BTD: variants seen among roughly 807,000 people sequenced by gnomAD.
BTD encodes biotinidase.
In BTD, 13 loss-of-function variants were observed where a neutral mutation model predicts 17.7. That is an observed-to-expected ratio of 0.74 (90% CI 0.48 to 1.17). The LOEUF (loss-of-function observed/expected upper bound fraction) is 1.17, where lower values mean the gene tolerates loss of function less well. Ranked by LOEUF, BTD falls within the 50% of genes most tolerant of loss-of-function variation. The probability of loss-of-function intolerance (pLI) is 0.00; values close to 1 mark genes in which losing one functional copy is unlikely to be tolerated. For missense variants in BTD, 674 were observed against 650.4 expected, an observed-to-expected ratio of 1.04 and a Z score of -0.39; for synonymous variants, 240 against 245.2, an observed-to-expected ratio of 0.98 and a Z score of 0.20.
At chr3:15,627,660 T>G (rs1349383282) in intron 1 of BTD, among the ~76,000 whole-genome samples, 2 of 152,232 alleles carry the variant, frequency 1.3e-5, no homozygotes, top group Non-Finnish European at 2.9e-5. Flanking sequence ...CTTTCATAAT[T>G]TCTACTATCA....
chr3:15,634,144 C>T (rs59770772), intron 1 of BTD, among the ~76,000 whole-genome samples: 6,538 of 152,124 alleles, frequency 0.043, 400 homozygotes, highest in African/African-American at 0.14. Context: ...AGTCTGTTGA[C>T]GAAAAGAGCT....
chr3:15,644,115 C>T (rs1575028564), intron 3 of BTD, among the ~76,000 whole-genome samples: 1 of 152,126 alleles, frequency 6.6e-6, no homozygotes, highest in East Asian at 1.9e-4. Flanking sequence ...ATTCTCCTGC[C>T]TCAGCCTCCC....
chr3:15,645,175 T>TG lies in BTD; in HGVS notation c.1264dup (p.Val422GlyfsTer3). ...ACCTTATCCAAAGAGCTGTATGCCC[T>TG]GGGGGTCTTTGATGGGCTTCACACA... On this transcript the variant is annotated frameshift_variant, in exon 4 of 4. Transcript: ENST00000643237. LOFTEE classifies it high-confidence loss of function. 2 of 1,614,170 alleles carry TG rather than the reference T, an allele frequency of 1.2e-6. No individual in the cohort carries two copies. Among genetic ancestry groups the TG allele is most frequent in the Non-Finnish European group, 1.7e-6 (2 of 1,180,010 alleles).
rs751942955 is a variant in BTD at position 15,645,120 on chromosome 3, C to G, written c.1204C>G (p.Leu402Val). 1.2e-6 allele frequency: 2 copies of G among 1,614,054 alleles called. No homozygotes were observed. The highest frequency in any genetic ancestry group is 1.3e-5 in the African/African-American group (1 of 74,926). Reference protein sequence around the residue: ...EGYLHVCSNGLCCYLLYERPT... With the variant: ...EGYLHVCSNGVCCYLLYERPT... Reference sequence around the variant, plus strand: ...CTATCTCCACGTCTGTTCCAATGGCCTCTGCTGTTATTTACTTTACGAGAG... The same window carrying G: ...CTATCTCCACGTCTGTTCCAATGGCGTCTGCTGTTATTTACTTTACGAGAG... The change falls in exon 4 of 4, where the codon CTC becomes GTC. Residue 402 changes from leucine to valine, a missense_variant. Coordinates refer to ENST00000643237, the MANE Select transcript of BTD (RefSeq NM_001370658.1).
intron 4 of BTD, chr3:15,720,970 T>C: frequency 6.2e-7 from 1 of 1,613,900 alleles, no homozygotes; most frequent in Non-Finnish European, 8.5e-7. Context: ...CAATGCTCCA[T>C]GTGTTGATGC....
rs1033946259 is a variant in BTD at position 15,631,755 on chromosome 3, G to A, written c.-16-3669G>A. On this transcript the variant is annotated intron_variant, in intron 1 of 3. Transcript: ENST00000643237. ...CCTGCCAAGTGTTTCCTGTCTCCCA[G>A]ATGCTTTCTATTGGCTTATTGTAAG... is the stretch of plus-strand genomic sequence containing the variant. Among the ~76,000 whole-genome samples the A allele has an allele frequency of 5.3e-5, 8 of 152,296 alleles. 2 individuals carry two copies. The highest frequency in any genetic ancestry group is 5.2e-4 in the Admixed American group (8 of 15,304).
chr3:15,625,858 T>G (rs555579848), intron 1 of BTD, among the ~76,000 whole-genome samples: 153 of 152,276 alleles, frequency 1.0e-3, no homozygotes, highest in African/African-American at 3.5e-3. Context: ...CCTGGCCCAG[T>G]TTTAATTTTT....
chr3:15,666,404 T>TCC (rs1553567291), intron 3 of BTD, among the ~76,000 whole-genome samples: 1,284 of 51,702 alleles, frequency 0.025, 10 homozygotes, highest in East Asian at 0.12. Context: ...CTACTTCATC[T>TCC]CCCCCTTTCC....
chr3:15,687,817 T>G (rs74931146), intron 3 of BTD, among the ~76,000 whole-genome samples: 4,303 of 152,280 alleles, frequency 0.028, 214 homozygotes, highest in African/African-American at 0.096. Context: ...CCCATCATTT[T>G]TCAAATCAGT....
chr3:15,704,062 C>T (rs143186981), intron 3 of BTD, among the ~76,000 whole-genome samples: 3 of 152,206 alleles, frequency 2.0e-5, no homozygotes, highest in Admixed American at 6.5e-5. Context: ...GTGGAGAAGA[C>T]CCACATGACA....
At chr3:15,691,407 G>A (rs2068782288) in intron 3 of BTD, among the ~76,000 whole-genome samples, 1 of 152,220 alleles carries the variant, frequency 6.6e-6, no homozygotes, top group Admixed American at 6.5e-5. Context: ...ACAGGCGTGA[G>A]CCACTGCGCC....
At chr3:15,610,709 G>C (rs2064595339) in intron 1 of BTD, among the ~76,000 whole-genome samples, 2 of 152,040 alleles carry the variant, frequency 1.3e-5, no homozygotes, top group South Asian at 4.1e-4. Context: ...AGTAGTCCCT[G>C]GACTTCATTC....
intron 3 of BTD, among the ~76,000 whole-genome samples, chr3:15,643,514 A>G (rs2065595033): frequency 6.6e-6 from 1 of 152,156 alleles, no homozygotes; most frequent in African/African-American, 2.4e-5. Context: ...AAAAAAAGAA[A>G]AAGAAGAATC....
intron 1 of BTD, among the ~76,000 whole-genome samples, chr3:15,610,013 A>C (rs1039584350): frequency 2.0e-5 from 3 of 151,864 alleles, no homozygotes; most frequent in Non-Finnish European, 2.9e-5. Context: ...CACTACCTGG[A>C]ATTGATTTTT....
chr3:15,620,145 A>C (rs1251919980), intron 1 of BTD, among the ~76,000 whole-genome samples: 1 of 152,220 alleles, frequency 6.6e-6, no homozygotes, highest in East Asian at 1.9e-4. Context: ...CTTGATAAAC[A>C]TCTTAAACAA....
downstream of BTD, among the ~76,000 whole-genome samples, chr3:15,716,814 T>TG (rs1321664714): frequency 6.6e-6 from 1 of 152,202 alleles, no homozygotes; most frequent in Non-Finnish European, 1.5e-5. Context: ...ACACTTCATA[T>TG]GGTCAGGCAC....
At chr3:15,685,949 G>T in intron 3 of BTD, 1 of 1,359,650 alleles carries the variant, frequency 7.4e-7, no homozygotes. Flanking sequence ...TCAGTTCTAG[G>T]TAATATGAGG....
chr3:15,709,978 G>A (rs1575304855), intron 3 of BTD, among the ~76,000 whole-genome samples: 1 of 151,744 alleles, frequency 6.6e-6, no homozygotes, highest in East Asian at 1.9e-4. Context: ...TGTTTAAAAG[G>A]AAGATCACAT....
intron 1 of BTD, among the ~76,000 whole-genome samples, chr3:15,626,405 G>A (rs1188592823): frequency 2.0e-5 from 3 of 152,104 alleles, no homozygotes; most frequent in East Asian, 1.9e-4. Context: ...CATGGAAGAC[G>A]CTGAAACCTC....
Sources: gnomAD v4.1 joint callset for allele counts (sites outside exome capture counted in the v4.1 genomes callset) on GRCh38, gnomAD v4.1.1 for gene constraint, MANE v1.5 for transcripts, NCBI Gene and HGNC (gene_info 2026-07-23, HGNC 2026-07-21) for gene names.